The following PUM1 variants were observed in gnomAD, a reference collection of about 807,000 sequenced individuals.
The protein encoded by PUM1 is pumilio homolog 1.
In PUM1, 13 loss-of-function variants were observed where a neutral mutation model predicts 131.8. The observed-to-expected ratio is 0.10, with a 90% CI of 0.06 to 0.16. The LOEUF is 0.16. PUM1 is among the 10% of genes least tolerant of loss of function. PUM1 has a pLI of 1.00. For missense variants in PUM1, 961 were observed against 1,512.4 expected (o/e 0.64, Z 6.05); for synonymous variants, 509 against 556.5 (o/e 0.91, Z 1.20).
chr1:30,981,621 T>C (rs1435342348), intron 7 of PUM1, among the ~76,000 whole-genome samples: 1 of 152,104 alleles, frequency 6.6e-6, no homozygotes, highest in African/African-American at 2.4e-5. Flanking sequence ...TGTGTCCTGG[T>C]TCCATGAGCT....
intron 16 of PUM1, among the ~76,000 whole-genome samples, chr1:30,950,684 A>C (rs995749730): frequency 6.6e-6 from 1 of 152,182 alleles, no homozygotes; most frequent in African/African-American, 2.4e-5. Context: ...ACATGGCAAA[A>C]TCCTGCCTCT....
At chr1:31,044,951 A>T (rs183937345) in intron 2 of PUM1, among the ~76,000 whole-genome samples, 1 of 152,238 alleles carries the variant, frequency 6.6e-6, no homozygotes, top group Non-Finnish European at 1.5e-5. Context: ...CTGGGATTAA[A>T]GGCATGCGCC....
rs148793874 is a variant in PUM1, at chr1:31,013,072, C to T, written c.433-5970G>A. 8.1e-3 allele frequency among the ~76,000 whole-genome samples: 1,239 copies of T among 152,282 alleles called. 22 individuals carry two copies. The highest frequency in any genetic ancestry group is 0.029 in the African/African-American group (1,189 of 41,556). On this transcript the variant is annotated intron_variant, in intron 3 of 21. Coordinates refer to ENST00000426105, the MANE Select transcript of PUM1 (RefSeq NM_001020658.2). ...AAAGAGCAAAGTAGCAGCCAATAGA[C>T]ATCACAATACTAATGATTTGTCAAT...
intron 3 of PUM1, among the ~76,000 whole-genome samples, chr1:31,017,515 T>C (rs1425655834): frequency 2.6e-5 from 4 of 152,044 alleles, no homozygotes; most frequent in East Asian, 1.9e-4. Context: ...ATTTTGCGAT[T>C]TTTTTCTTCT....
intron 7 of PUM1, among the ~76,000 whole-genome samples, chr1:30,991,661 A>G (rs1410406648): frequency 6.6e-6 from 1 of 152,222 alleles, no homozygotes; most frequent in Non-Finnish European, 1.5e-5. Flanking sequence ...GAACTTAACA[A>G]GATTGGGAAA....
In PUM1 at chr1:30,934,356, C is replaced by T. The variant is rs532861502; in HGVS notation, c.3436-1014G>A. Among the ~76,000 whole-genome samples the T allele has an allele frequency of 1.1e-4, 16 of 152,320 alleles. No individual in the cohort carries two copies. In the South Asian group the frequency reaches 2.7e-3, roughly 26 times the overall value. On this transcript the variant is annotated intron_variant, in intron 21 of 21. Coordinates refer to ENST00000426105, the MANE Select transcript of PUM1 (RefSeq NM_001020658.2). ...CCAAACCTGCACCTGCATACATAAA[C>T]GCACTGGATAAATGTACCGCAGTAG...
At position 30,952,723 on chromosome 1, in the gene PUM1, A is replaced by AG. The variant is rs1480438521; in HGVS notation, c.2592-361dup. On this transcript the variant is annotated intron_variant, in intron 15 of 21. Transcript: ENST00000426105. ...AGGGGCAGGGGTGCAGGAAGAGAGG[A>AG]GGGGTGGAGGGAGACATAACACAAC... is the stretch of plus-strand genomic sequence containing the variant. Among the ~76,000 whole-genome samples, 9 of 115,916 alleles carry AG rather than the reference A, an allele frequency of 7.8e-5. No homozygotes were observed. The East Asian group carries it at 1.9e-3, about 25-fold the overall frequency. The allele number at this position is 115,916 out of a possible 152,430, so 76.0% of individuals were successfully genotyped here.
chr1:30,938,799 A>C (rs1275530630), intron 20 of PUM1, among the ~76,000 whole-genome samples: 1 of 152,154 alleles, frequency 6.6e-6, no homozygotes, highest in Non-Finnish European at 1.5e-5. Flanking sequence ...CAGGAGGCAG[A>C]GCTTGCAGTA....
Position 30,980,054 on chromosome 1 carries a change from T to C in PUM1, c.1354+8A>G, listed in dbSNP as rs757434441. The C allele has an allele frequency of 6.4e-7, 1 of 1,570,740 alleles. No individual in the cohort carries two copies. The highest frequency in any genetic ancestry group is 1.8e-5 in the Admixed American group (1 of 55,090). On this transcript the variant is annotated splice_region_variant and intron_variant, in intron 9 of 21. Coordinates refer to ENST00000426105, the MANE Select transcript of PUM1 (RefSeq NM_001020658.2). ...TGAGAAAATCCCTCATGCAGCAGAA[T>C]GTCTCACCTAGTGTCGCTGCTGCAG...
intron 3 of PUM1, among the ~76,000 whole-genome samples, chr1:31,028,108 T>C (rs576634972): frequency 6.6e-6 from 1 of 152,352 alleles, no homozygotes; most frequent in Admixed American, 6.5e-5. Context: ...GTTGGCTACA[T>C]GTTAGATATC....
intron 3 of PUM1, among the ~76,000 whole-genome samples, chr1:31,022,700 TAACA>T (rs1228942521): frequency 1.3e-5 from 2 of 152,218 alleles, no homozygotes; most frequent in Non-Finnish European, 2.9e-5. Flanking sequence ...ACTTTACCTC[TAACA>T]GTCATTAACC....
At chr1:30,944,262 T>C (rs1171960520) in intron 18 of PUM1, among the ~76,000 whole-genome samples, 1 of 152,190 alleles carries the variant, frequency 6.6e-6, no homozygotes, top group Non-Finnish European at 1.5e-5. Flanking sequence ...AAATTATACC[T>C]GAAAATCTAT....
intron 7 of PUM1, among the ~76,000 whole-genome samples, chr1:30,985,866 T>G (rs1162708968): frequency 1.3e-5 from 2 of 152,054 alleles, no homozygotes; most frequent in Non-Finnish European, 2.9e-5. Flanking sequence ...TAATACAAAG[T>G]TCAAAAGAGA....
chr1:30,960,042 T>C (rs182984916), intron 14 of PUM1, among the ~76,000 whole-genome samples: 1 of 152,290 alleles, frequency 6.6e-6, no homozygotes, highest in Admixed American at 6.5e-5. Flanking sequence ...CAACTGTGAT[T>C]ATGCTTAATG....
intron 10 of PUM1, among the ~76,000 whole-genome samples, chr1:30,974,438 T>A (rs1641055310): frequency 6.6e-6 from 1 of 152,206 alleles, no homozygotes; most frequent in Non-Finnish European, 1.5e-5. Context: ...AACTGGTTAG[T>A]ATCGTTACCC....
chr1:30,988,555 G>A (rs1300192574), intron 7 of PUM1, among the ~76,000 whole-genome samples: 1 of 152,190 alleles, frequency 6.6e-6, no homozygotes, highest in Non-Finnish European at 1.5e-5. Flanking sequence ...GCTTATTTCA[G>A]AAAGCCAAGA....
chr1:30,969,943 G>A (rs1030520831), intron 10 of PUM1, among the ~76,000 whole-genome samples: 2 of 152,298 alleles, frequency 1.3e-5, no homozygotes, highest in Non-Finnish European at 2.9e-5. Flanking sequence ...GATTACAAGT[G>A]TGAAGCCACT....
intron 2 of PUM1, among the ~76,000 whole-genome samples, chr1:31,049,314 G>C (rs572918989): frequency 1.3e-5 from 2 of 151,406 alleles, no homozygotes; most frequent in South Asian, 4.2e-4. Context: ...TCAGGAGTTC[G>C]AGACCAGCCT....
chr1:30,967,682 T>C (rs1321782698), intron 11 of PUM1, among the ~76,000 whole-genome samples: 2 of 152,084 alleles, frequency 1.3e-5, no homozygotes, highest in Admixed American at 6.5e-5. Flanking sequence ...AAAAAACAAA[T>C]GAAACAGGTT....
Sources: allele counts gnomAD v4.1 joint callset (sites outside exome capture counted in the v4.1 genomes callset), GRCh38; gene constraint gnomAD v4.1.1; transcripts MANE v1.5; gene names NCBI Gene and HGNC (gene_info 2026-07-23, HGNC 2026-07-21).